The following SYNE1 variants were observed in gnomAD, a reference collection of about 807,000 sequenced individuals.
The protein encoded by SYNE1 is spectrin repeat containing nuclear envelope protein 1.
Under a neutral mutation model 1,111.0 loss-of-function variants are expected in SYNE1, and 616 were observed. The observed-to-expected ratio is 0.55, with a 90% confidence interval of 0.52 to 0.59. The LOEUF (loss-of-function observed/expected upper bound fraction) is 0.59. Ranked by LOEUF, SYNE1 falls within the 20% of genes least tolerant of loss-of-function variation. SYNE1 has a pLI of 0.00. For synonymous variants in SYNE1, 3,855 were observed against 3,825.8 expected, an observed-to-expected ratio of 1.01 and a Z score of -0.28; for missense variants, 10,006 against 10,417.0, an observed-to-expected ratio of 0.96 and a Z score of 1.72.
intron 130 of SYNE1, chr6:152,167,846 G>A (rs369107920): frequency 7.7e-6 from 5 of 650,184 alleles, no homozygotes; most frequent in African/African-American, 7.2e-5. Flanking sequence ...CTTGTATGAC[G>A]CATACGGTCC....
In SYNE1 at chr6:152,385,757, G is replaced by A; in HGVS notation, c.8569C>T (p.His2857Tyr). 6.2e-7 allele frequency: 1 copy of A among 1,614,064 alleles called. No homozygotes were observed. Among genetic ancestry groups the A allele is most frequent in the Non-Finnish European group, 8.5e-7 (1 of 1,179,986 alleles). ...CGGTGAAGTTCTTCCTTTGCTGAATGGAGCCAATCTGTGAACTCGTGGACC... is the reference window on the plus strand; with the variant it reads ...CGGTGAAGTTCTTCCTTTGCTGAATAGAGCCAATCTGTGAACTCGTGGACC... ...DAVHEFTDWL[H>Y]SAKEELHRWS... is the part of the protein sequence containing the mutation. The change falls in exon 55 of 146, where the codon CAT becomes TAT. Residue 2857 changes from histidine (H) to tyrosine (Y), a missense_variant. Physicochemically the swap from His to Tyr is moderately conservative, Grantham distance 83. This residue lies in a region of SYNE1 where 4,955 missense variants were observed against 5,017.2 expected (regional missense o/e 0.99). Coordinates refer to ENST00000367255, the MANE Select transcript of SYNE1 (RefSeq NM_182961.4).
rs754650022 is a variant in SYNE1, at chr6:152,441,110, A to G, written c.4149+20T>C. On this transcript the variant is annotated intron_variant, in intron 32 of 145. Transcript: ENST00000367255. ...GCTTTGTTTTTTCTGAATATTGGGT[A>G]CCAAGGAGCCATAATATACCTTTGT... 6.2e-7 allele frequency: 1 copy of G among 1,612,984 alleles called. No individual in the cohort carries two copies. Among genetic ancestry groups the G allele is most frequent in the Non-Finnish European group, 8.5e-7 (1 of 1,179,862 alleles).
chr6:152,353,323 C>T lies in SYNE1; in HGVS notation c.11193G>A (p.Val3731=). Residue 3731 remains valine (V), a synonymous_variant, in exon 69 of 146, where the codon GTG becomes GTA. Transcript: ENST00000367255. The part of the protein sequence containing the change: ...YGSTHKNFKN[V]ATKIDKVDTV... ...TATCTACTTTGTCAATCTTGGTAGC[C>T]ACATTCTTGAAGTTTTTATGAGTAG... 6.2e-7 allele frequency: 1 copy of T among 1,614,160 alleles called. No individual in the cohort carries two copies. The highest frequency in any genetic ancestry group is 8.5e-7 in the Non-Finnish European group (1 of 1,180,036).
At chr6:152,334,366 C>G in intron 76 of SYNE1, 93 bp from the exon 77 acceptor site, 5 of 1,386,220 alleles carry the variant, frequency 3.6e-6, no homozygotes, top group Non-Finnish European at 4.9e-6. Context: ...TTTAAACACT[C>G]TAAGTTCCTT....
Position 152,148,401 on chromosome 6 carries a change from C to A in SYNE1, c.24643-23G>T, listed in dbSNP as rs756232985. On this transcript the variant is annotated intron_variant, in intron 136 of 145. Transcript: ENST00000367255. This position sits in a 1 kb window ranked among gnomAD's most constrained non-coding sequence, Gnocchi z 4.1. ...GAGCTAGAAGGGAAGTCAAGGCAAC[C>A]CTGTCACTGTAGTGGTCAGACTAGC... 4.4e-6 allele frequency: 7 copies of A among 1,608,240 alleles called. No homozygotes were observed. Among genetic ancestry groups the A allele is most frequent in the African/African-American group, 1.3e-5 (1 of 74,750 alleles).
At chr6:152,165,181 C>T (rs544188822) in intron 130 of SYNE1, among the ~76,000 whole-genome samples, 2 of 151,786 alleles carry the variant, frequency 1.3e-5, no homozygotes, top group East Asian at 2.0e-4. Context: ...GTGCCAACTA[C>T]CAGCCACCAC....
chr6:152,468,929 T>C (rs1390355894), intron 16 of SYNE1, among the ~76,000 whole-genome samples: 2 of 152,102 alleles, frequency 1.3e-5, no homozygotes, highest in Non-Finnish European at 2.9e-5. Flanking sequence ...GTGCACACCA[T>C]GACACCAGGC....
chr6:152,232,506 CTAAT>C (rs2083005232), intron 112 of SYNE1, among the ~76,000 whole-genome samples: 1 of 152,156 alleles, frequency 6.6e-6, no homozygotes. Context: ...TAAACATTAA[CTAAT>C]TAATCAAAGC....
At chr6:152,509,595 G>A (rs1407868532) in intron 8 of SYNE1, among the ~76,000 whole-genome samples, 1 of 151,830 alleles carries the variant, frequency 6.6e-6, no homozygotes, top group Admixed American at 6.6e-5. Flanking sequence ...TCATATAAAT[G>A]TATACACATG....
intron 39 of SYNE1, among the ~76,000 whole-genome samples, chr6:152,421,977 A>G (rs1450437056): frequency 6.6e-6 from 1 of 152,188 alleles, no homozygotes; most frequent in Non-Finnish European, 1.5e-5. Context: ...AAGTGCTGGG[A>G]TTACAGGTGT....
chr6:152,269,031 A>G lies in SYNE1; in HGVS notation c.18705+124T>C, dbSNP rs1262498267. ...AAACACCAACATCTTGCTTCATTCAAAGAGAAGATAAAGAGACACTCTGTC... is the reference window on the plus strand; with the variant it reads ...AAACACCAACATCTTGCTTCATTCAGAGAGAAGATAAAGAGACACTCTGTC... On this transcript the variant is annotated intron_variant, in intron 99 of 145. Transcript: ENST00000367255. 15 of 1,433,212 alleles carry G rather than the reference A, an allele frequency of 1.0e-5. No individual in the cohort carries two copies. In the East Asian group the frequency reaches 2.1e-4, roughly 20 times the overall value. 88.8% of individuals were successfully genotyped at this position (1,433,212 alleles called of 1,614,324 possible).
rs906408679 is a variant in SYNE1, at chr6:152,180,269, C to T, written c.23327G>A (p.Gly7776Asp). Residue 7776 changes from glycine to aspartate, a missense_variant, in exon 129 of 146, where the codon GGT (glycine) becomes GAT (aspartate). Around this residue, in one of 7 missense-constraint regions of SYNE1, gnomAD observed 2,182 missense variants for 2,287.8 expected, o/e 0.95. Coordinates refer to ENST00000367255, the MANE Select transcript of SYNE1 (RefSeq NM_182961.4). ...GACTGCCCATTCATTCAATCTTTCA[C>T]CTATTTGCTGCCGCCTTAAGGAGAG... ...HQLSLRRQQI[G>D]ERLNEWAVFS... The T allele has an allele frequency of 5.0e-6, 8 of 1,613,984 alleles. No homozygotes were observed. The highest frequency in any genetic ancestry group is 6.8e-6 in the Non-Finnish European group (8 of 1,180,004).
At chr6:152,470,339 C>A (rs7747960) in intron 16 of SYNE1, among the ~76,000 whole-genome samples, 27,480 of 152,066 alleles carry the variant, frequency 0.18, 3,065 homozygotes, top group East Asian at 0.43. Context: ...GTATAAATAA[C>A]TACTGGGCTG....
At chr6:152,251,159 C>G (rs2153599929) in intron 104 of SYNE1, among the ~76,000 whole-genome samples, 1 of 152,114 alleles carries the variant, frequency 6.6e-6, no homozygotes, top group South Asian at 2.1e-4. Flanking sequence ...CCATCTTGCC[C>G]AGGCTGGTCG....
chr6:152,495,727 A>G (rs960669678), intron 11 of SYNE1, among the ~76,000 whole-genome samples: 1 of 152,114 alleles, frequency 6.6e-6, no homozygotes, highest in East Asian at 1.9e-4. Context: ...AAATTAGCCA[A>G]TTGAAATTAG....
At chr6:152,384,597 C>T (rs983433731) in intron 55 of SYNE1, among the ~76,000 whole-genome samples, 3 of 152,084 alleles carry the variant, frequency 2.0e-5, no homozygotes, top group Admixed American at 2.0e-4. Flanking sequence ...CTTCAGGGAC[C>T]GGGCACCATG....
Position 152,220,854 on chromosome 6 carries a change from A to C in SYNE1, c.21849T>G (p.Ile7283Met). 1 of 1,613,840 alleles carries C rather than the reference A, an allele frequency of 6.2e-7. No homozygotes were observed. Among genetic ancestry groups the C allele is most frequent in the Non-Finnish European group, 8.5e-7 (1 of 1,179,960 alleles). ...CTCCTGAACATACGTTGCAATCTTG[A>C]ATCCATGTGGCAACCTCATCATCGG... ...DIADDEVATWIQDCNDLLKGL... is the reference protein window; with the variant it reads ...DIADDEVATWMQDCNDLLKGL... The change falls in exon 119 of 146, where the codon ATT becomes ATG. Residue 7283 changes from isoleucine to methionine, a missense_variant. Transcript: ENST00000367255.
At chr6:152,599,957 GT>G (rs2099592250) in intron 3 of SYNE1, among the ~76,000 whole-genome samples, 1 of 152,168 alleles carries the variant, frequency 6.6e-6, no homozygotes, top group Admixed American at 6.5e-5. Flanking sequence ...TACCTGGAAG[GT>G]AAAAGGTACG....
At chr6:152,305,451 G>C (rs919398692) in intron 91 of SYNE1, among the ~76,000 whole-genome samples, 1 of 152,026 alleles carries the variant, frequency 6.6e-6, no homozygotes, top group African/African-American at 2.4e-5. Flanking sequence ...TTTTAGTAGA[G>C]ACGGGGTTTC....
Sources: allele counts gnomAD v4.1 joint callset (sites outside exome capture counted in the v4.1 genomes callset), GRCh38; gene constraint gnomAD v4.1.1; regional missense constraint gnomAD v4.1.1; non-coding constraint Gnocchi (gnomAD v3.1); transcripts MANE v1.5; gene names NCBI Gene and HGNC (gene_info 2026-07-23, HGNC 2026-07-21).